Variants in FRMD4B observed in about 807,000 individuals in gnomAD.
FRMD4B encodes the protein FERM domain-containing protein 4B.
FRMD4B carries 74 observed loss-of-function variants against 141.5 expected under a neutral mutation model. The ratio of observed to expected loss-of-function variants is 0.52; its 90% confidence interval spans 0.43 to 0.63. The LOEUF (loss-of-function observed/expected upper bound fraction) is 0.63. FRMD4B is among the 30% of genes least tolerant of loss of function. FRMD4B has a pLI of 0.00. For synonymous variants in FRMD4B, 506 were observed against 467.9 expected (o/e 1.08, Z -1.05); for missense variants, 1,366 against 1,253.4 (o/e 1.09, Z -1.36).
chr3:69,325,486 T>C (rs1388934229), intron 1 of FRMD4B, among the ~76,000 whole-genome samples: 1 of 152,210 alleles, frequency 6.6e-6, no homozygotes, highest in Admixed American at 6.5e-5. Flanking sequence ...AAGCAACTTA[T>C]TAAGCCTGGA....
At chr3:69,419,939 C>G (rs1304597363) in intron 2 of FRMD4B, among the ~76,000 whole-genome samples, 3 of 152,222 alleles carry the variant, frequency 2.0e-5, no homozygotes, top group African/African-American at 7.2e-5. Context: ...TCACTGCAAC[C>G]TCTGTCTCCC....
chr3:69,324,983 G>GCAGGAAGAT (rs1192966098), intron 1 of FRMD4B, among the ~76,000 whole-genome samples: 2 of 151,702 alleles, frequency 1.3e-5, no homozygotes, highest in Non-Finnish European at 2.9e-5. Context: ...AGAGGCTGAG[G>GCAGGAAGAT]CAGGAAGATC....
intron 2 of FRMD4B, among the ~76,000 whole-genome samples, chr3:69,394,571 A>T (rs1262970092): frequency 6.6e-6 from 1 of 152,206 alleles, no homozygotes; most frequent in East Asian, 1.9e-4. Context: ...TGTTGGTGGG[A>T]GTGTAAATTA....
chr3:69,423,377 C>G (rs1575797476), intron 2 of FRMD4B, among the ~76,000 whole-genome samples: 1 of 64,338 alleles, frequency 1.6e-5, no homozygotes, highest in South Asian at 4.4e-4. Flanking sequence ...ATTTGAGTCA[C>G]CCAATGCTCC....
At chr3:69,227,830 AGTG>A (rs2093269180) in intron 7 of FRMD4B, among the ~76,000 whole-genome samples, 1 of 152,096 alleles carries the variant, frequency 6.6e-6, no homozygotes, top group African/African-American at 2.4e-5. Flanking sequence ...CAACACAAAG[AGTG>A]AACCCTAATT....
chr3:69,188,514 T>A (rs2092795126), intron 18 of FRMD4B, among the ~76,000 whole-genome samples: 1 of 151,828 alleles, frequency 6.6e-6, no homozygotes, highest in African/African-American at 2.4e-5. Context: ...TCCCAGCACT[T>A]TGGGAGGCCG....
At chr3:69,311,382 A>T in intron 2 of FRMD4B, 25 bp from the exon 3 acceptor site, 1 of 1,312,520 alleles carries the variant, frequency 7.6e-7, no homozygotes, top group Non-Finnish European at 1.1e-6. Flanking sequence ...ATCTGGTTAG[A>T]AGCAATTTGG....
chr3:69,256,537 C>G (rs1383684142), intron 5 of FRMD4B, among the ~76,000 whole-genome samples: 1 of 152,124 alleles, frequency 6.6e-6, no homozygotes, highest in Admixed American at 6.5e-5. Flanking sequence ...CCAGGCTGGT[C>G]TCGAACTCCT....
At chr3:69,384,758 G>A (rs1325871141) in intron 1 of FRMD4B, among the ~76,000 whole-genome samples, 1 of 152,174 alleles carries the variant, frequency 6.6e-6, no homozygotes, top group African/African-American at 2.4e-5. Flanking sequence ...GACTTCCACA[G>A]GCTAACCTTA....
At chr3:69,273,252 A>T (rs775427689) in intron 5 of FRMD4B, among the ~76,000 whole-genome samples, 1 of 152,188 alleles carries the variant, frequency 6.6e-6, no homozygotes, top group Non-Finnish European at 1.5e-5. Flanking sequence ...AAATTTGATG[A>T]CTTATTTCTT....
intron 1 of FRMD4B, among the ~76,000 whole-genome samples, chr3:69,458,356 T>C (rs1362614410): frequency 6.6e-6 from 1 of 152,168 alleles, no homozygotes; most frequent in Non-Finnish European, 1.5e-5. Context: ...ACAACGATTA[T>C]GCAAATCATA....
Position 69,438,208 on chromosome 3 carries a change from A to G in FRMD4B, c.-128-5447T>C, listed in dbSNP as rs563924574. ...AGCCTCGAACCTCTTGGCTCATGTG[A>G]TCCTCCCACCTCAGCCTCCTGAGCA... On this transcript the variant is annotated intron_variant, in intron 1 of 5. Transcript: ENST00000459638. Among the ~76,000 whole-genome samples the G allele has an allele frequency of 7.3e-5, 11 of 151,392 alleles. No homozygotes were observed. In the East Asian group the frequency reaches 2.1e-3, roughly 29 times the overall value.
At chr3:69,215,032 G>A (rs1043468881) in intron 11 of FRMD4B, among the ~76,000 whole-genome samples, 6 of 150,582 alleles carry the variant, frequency 4.0e-5, no homozygotes, top group Non-Finnish European at 5.9e-5. Flanking sequence ...CGCGCATGCC[G>A]CTATGCCCAG....
chr3:69,376,749 G>A (rs1703981862), intron 1 of FRMD4B: 1 of 151,714 alleles, frequency 6.6e-6, no homozygotes, highest in South Asian at 2.1e-4. Flanking sequence ...TTTTTCATGA[G>A]AGCTTAATTT....
intron 1 of FRMD4B, among the ~76,000 whole-genome samples, chr3:69,330,099 A>G (rs776150997): frequency 3.3e-5 from 5 of 151,696 alleles, no homozygotes; most frequent in Non-Finnish European, 5.9e-5. Flanking sequence ...GATTTGTTTC[A>G]TTTCCTGGTG....
chr3:69,503,759 C>G (rs1706544013), intron 1 of FRMD4B, among the ~76,000 whole-genome samples: 2 of 152,190 alleles, frequency 1.3e-5, no homozygotes. Context: ...AGGGTATATA[C>G]TTCCCACTTT....
chr3:69,475,324 T>C (rs1310946410), intron 1 of FRMD4B, among the ~76,000 whole-genome samples: 1 of 152,052 alleles, frequency 6.6e-6, no homozygotes, highest in African/African-American at 2.4e-5. Flanking sequence ...TCATTTAGCA[T>C]TAGGTATATC....
At chr3:69,401,890 C>T (rs541984730) in intron 2 of FRMD4B, among the ~76,000 whole-genome samples, 1 of 152,090 alleles carries the variant, frequency 6.6e-6, no homozygotes, top group African/African-American at 2.4e-5. Context: ...CAGGGGTCAA[C>T]AAGAGGAGAT....
chr3:69,489,308 T>TA (rs1026606081), intron 1 of FRMD4B, among the ~76,000 whole-genome samples: 1 of 149,728 alleles, frequency 6.7e-6, no homozygotes, highest in African/African-American at 2.4e-5. Context: ...TATATGTATA[T>TA]AAAATGTATA....
Sources: gnomAD v4.1 joint callset for allele counts (sites outside exome capture counted in the v4.1 genomes callset) on GRCh38, gnomAD v4.1.1 for gene constraint, MANE v1.5 for transcripts, NCBI Gene and HGNC (gene_info 2026-07-23, HGNC 2026-07-21) for gene names.